L3MBTL4: variants seen among roughly 807,000 people sequenced by gnomAD.
L3MBTL4 encodes the protein L3MBTL histone methyl-lysine binding protein 4.
In L3MBTL4, 70 loss-of-function variants were observed where a neutral mutation model predicts 84.5. The observed-to-expected ratio is 0.83, with a 90% confidence interval of 0.68 to 1.01. L3MBTL4 has a LOEUF of 1.01. Ranked by LOEUF, L3MBTL4 falls within the 50% of genes least tolerant of loss-of-function variation. L3MBTL4 has a pLI of 0.00. For missense variants in L3MBTL4, 715 were observed against 754.8 expected, an observed-to-expected ratio of 0.95 and a Z score of 0.62; for synonymous variants, 274 against 259.8, an observed-to-expected ratio of 1.05 and a Z score of -0.52.
rs148504601 is a variant in L3MBTL4, at chr18:6,103,961, C to T, written c.1200-10433G>A. Among the ~76,000 whole-genome samples the T allele has an allele frequency of 2.1e-3, 313 of 152,256 alleles. 1 individual carries two copies. The highest frequency in any genetic ancestry group is 7.0e-3 in the African/African-American group (290 of 41,556). ...AGCTACAAGAAGATTTGCAGAGGTC[C>T]TGCTGCCCTCCCCACAACAAGCCAT... is the stretch of plus-strand genomic sequence containing the variant. On this transcript the variant is annotated intron_variant, in intron 14 of 18. Transcript: ENST00000317931.
chr18:6,110,424 T>C (rs111226732), intron 14 of L3MBTL4, among the ~76,000 whole-genome samples: 40 of 151,570 alleles, frequency 2.6e-4, no homozygotes, highest in African/African-American at 9.5e-4. Flanking sequence ...TGAATATGTG[T>C]GTGTATCCAC....
At chr18:6,342,025 T>C (rs554302206) in intron 1 of L3MBTL4, among the ~76,000 whole-genome samples, 1 of 152,190 alleles carries the variant, frequency 6.6e-6, no homozygotes, top group East Asian at 1.9e-4. Context: ...CAACTAAAAA[T>C]ACAACAAAAG....
chr18:6,154,194 C>A (rs1203748143), intron 13 of L3MBTL4, among the ~76,000 whole-genome samples: 1 of 152,140 alleles, frequency 6.6e-6, no homozygotes, highest in African/African-American at 2.4e-5. Context: ...AAGTCCAATA[C>A]TATTAGTGTA....
intron 14 of L3MBTL4, among the ~76,000 whole-genome samples, chr18:6,105,039 G>A (rs922484161): frequency 3.3e-5 from 5 of 151,976 alleles, no homozygotes; most frequent in African/African-American, 1.2e-4. Flanking sequence ...AAAAGATTGG[G>A]GGCATTAATA....
chr18:6,037,768 T>C (rs983442390), intron 16 of L3MBTL4, among the ~76,000 whole-genome samples: 1 of 152,178 alleles, frequency 6.6e-6, no homozygotes, highest in Non-Finnish European at 1.5e-5. Flanking sequence ...GCTTAAAGGA[T>C]TGTGGTTTAG....
At chr18:6,303,244 G>A (rs1160628578) in intron 3 of L3MBTL4, among the ~76,000 whole-genome samples, 1 of 151,898 alleles carries the variant, frequency 6.6e-6, no homozygotes, top group East Asian at 2.0e-4. Context: ...TCCTGCCTCA[G>A]CCTCCAGCTA....
At chr18:5,963,404 A>G (rs2144701242) in intron 17 of L3MBTL4, among the ~76,000 whole-genome samples, 1 of 152,312 alleles carries the variant, frequency 6.6e-6, no homozygotes, top group African/African-American at 2.4e-5. Flanking sequence ...GGAATAAATA[A>G]TGTGTTAAAC....
chr18:6,192,803 A>G (rs2045181018), intron 12 of L3MBTL4, among the ~76,000 whole-genome samples: 1 of 152,128 alleles, frequency 6.6e-6, no homozygotes, highest in South Asian at 2.1e-4. Context: ...GCAGGCAGAG[A>G]GCAAACTTCT....
chr18:6,270,234 G>T (rs2048809248), intron 4 of L3MBTL4, among the ~76,000 whole-genome samples: 1 of 152,158 alleles, frequency 6.6e-6, no homozygotes, highest in African/African-American at 2.4e-5. Context: ...TCACATTTTA[G>T]TCCCTCTGCC....
chr18:6,113,281 G>T (rs949362547), intron 14 of L3MBTL4, among the ~76,000 whole-genome samples: 1 of 152,052 alleles, frequency 6.6e-6, no homozygotes, highest in African/African-American at 2.4e-5. Context: ...TAGTATTAAA[G>T]ACTAACACAT....
chr18:6,368,870 C>G (rs1473990714), intron 1 of L3MBTL4, among the ~76,000 whole-genome samples: 2 of 151,798 alleles, frequency 1.3e-5, no homozygotes, highest in African/African-American at 4.8e-5. Context: ...GGTGAAACCC[C>G]GTCTCTACTG....
chr18:6,071,743 AGG>A (rs1568066350), intron 16 of L3MBTL4, among the ~76,000 whole-genome samples: 194 of 82,174 alleles, frequency 2.4e-3, no homozygotes, highest in African/African-American at 7.3e-3. Flanking sequence ...GAAAGAAGGA[AGG>A]AAAGAAAGAA....
At chr18:5,985,921 G>A (rs999546007) in intron 16 of L3MBTL4, among the ~76,000 whole-genome samples, 1 of 152,140 alleles carries the variant, frequency 6.6e-6, no homozygotes, top group African/African-American at 2.4e-5. Context: ...TCTTGGAGAG[G>A]GATGCTGTAG....
intron 16 of L3MBTL4, among the ~76,000 whole-genome samples, chr18:5,981,362 T>C (rs1042225939): frequency 6.6e-6 from 1 of 152,150 alleles, no homozygotes; most frequent in South Asian, 2.1e-4. Context: ...AAGAAATGAG[T>C]ATTCTTGGTA....
intron 13 of L3MBTL4, among the ~76,000 whole-genome samples, chr18:6,157,646 T>C (rs2043156890): frequency 6.6e-6 from 1 of 152,210 alleles, no homozygotes. Flanking sequence ...TATCAAGTTA[T>C]GTGCTATTAT....
intron 1 of L3MBTL4, among the ~76,000 whole-genome samples, chr18:6,336,802 G>A (rs188645077): frequency 9.4e-4 from 143 of 152,254 alleles, no homozygotes; most frequent in African/African-American, 2.5e-3. Context: ...AATTACAGGC[G>A]TAGTAAGAGG....
chr18:5,988,228 C>T (rs542181393), intron 16 of L3MBTL4, among the ~76,000 whole-genome samples: 38 of 152,252 alleles, frequency 2.5e-4, no homozygotes, highest in African/African-American at 8.9e-4. Context: ...TAAAGTCATT[C>T]TTAGATGAAT....
intron 1 of L3MBTL4, among the ~76,000 whole-genome samples, chr18:6,316,485 A>C (rs1044077169): frequency 6.6e-6 from 1 of 152,170 alleles, no homozygotes; most frequent in African/African-American, 2.4e-5. Flanking sequence ...GTCTTGGAGA[A>C]GGGGACTTCT....
At chr18:6,261,260 C>G (rs777467293) in intron 5 of L3MBTL4, among the ~76,000 whole-genome samples, 8 of 152,202 alleles carry the variant, frequency 5.3e-5, no homozygotes, top group Non-Finnish European at 1.2e-4. Context: ...TTTGCACACA[C>G]AGAGTCTTAA....
Sources: allele counts gnomAD v4.1 joint callset (sites outside exome capture counted in the v4.1 genomes callset), GRCh38; gene constraint gnomAD v4.1.1; transcripts MANE v1.5; gene names NCBI Gene and HGNC (gene_info 2026-07-23, HGNC 2026-07-21).